The following EFNA4 variants were observed in gnomAD, a reference collection of about 807,000 sequenced individuals.
The protein encoded by EFNA4 is ephrin-A4.
A neutral mutation model predicts 23.7 loss-of-function variants in EFNA4; 22 were observed. The observed-to-expected ratio is 0.93, with a 90% CI of 0.66 to 1.32. The LOEUF (loss-of-function observed/expected upper bound fraction) is 1.32, where lower values mean the gene tolerates loss of function less well. EFNA4 is among the 40% of genes most tolerant of loss of function. The pLI, the probability that EFNA4 is intolerant of heterozygous loss-of-function variation, is 0.00. For missense variants in EFNA4, 252 were observed against 252.3 expected (o/e 1.00, Z 0.01); for synonymous variants, 113 against 108.3 (o/e 1.04, Z -0.27).
chr1:155,063,743 T>G lies in EFNA4; in HGVS notation c.-81T>G, dbSNP rs949761401. The stretch of plus-strand genomic sequence containing the variant: ...CCCACTCCCCTTTCCGCAACTTCCC[T>G]CTTCACTTTGTACCTTTCTCTCCTC... On this transcript the variant is annotated 5_prime_UTR_variant, in exon 1 of 4. Transcript: ENST00000368409. The surrounding 1 kb of genome is among the most constrained non-coding windows in gnomAD (Gnocchi z 4.1). 1.6e-5 allele frequency: 21 copies of G among 1,286,774 alleles called. No individual in the cohort carries two copies. The highest frequency in any genetic ancestry group is 2.0e-5 in the Non-Finnish European group (19 of 967,618). The allele number at this position is 1,286,774 out of a possible 1,614,324, so 79.7% of individuals were successfully genotyped here.
At chr1:155,067,137 TGAACTCAG>T (rs1403014018) in intron 2 of EFNA4, 121 bp downstream of exon 2, 10 of 1,282,418 alleles carry the variant, frequency 7.8e-6, no homozygotes, top group African/African-American at 1.5e-5. Flanking sequence ...AGGTATGGGC[TGAACTCAG>T]GACTGAGGAG....
intron 1 of EFNA4, 128 bp downstream of exon 1, chr1:155,064,064 G>C (rs1662909299): frequency 1.8e-5 from 8 of 443,668 alleles, no homozygotes; most frequent in Non-Finnish European, 2.2e-5. Context: ...CTTTGTTTGA[G>C]CCGGCGGGGG....
intron 3 of EFNA4, 93 bp downstream of exon 3, chr1:155,067,533 G>A: frequency 7.0e-7 from 1 of 1,429,798 alleles, no homozygotes. Context: ...TCAGACTCCA[G>A]GGGTCCTGGT....
In EFNA4 at chr1:155,064,044, G is replaced by A. The variant is rs552327718; in HGVS notation, c.113+108G>A. The A allele has an allele frequency of 5.4e-4, 452 of 843,786 alleles. 4 individuals carry two copies. The African/African-American group carries it at 7.1e-3, about 13-fold the overall frequency. 52.3% of individuals were successfully genotyped at this position (843,786 alleles called of 1,614,324 possible). On this transcript the variant is annotated intron_variant, in intron 1 of 3. Transcript: ENST00000368409. ...CGGCGCCGCCTGAGCCTGGCCGCGC[G>A]CCGGGGCTCCTTTGTTTGAGCCGGC...
At chr1:155,067,519 AGG>A in intron 3 of EFNA4, 79 bp downstream of exon 3, 1 of 1,513,282 alleles carries the variant, frequency 6.6e-7, no homozygotes, top group Non-Finnish European at 9.2e-7. Context: ...AGAATCTAGG[AGG>A]ATCAGACTCC....
intron 2 of EFNA4, 104 bp downstream of exon 2, chr1:155,067,120 C>G (rs148813565): frequency 1.4e-6 from 2 of 1,381,278 alleles, no homozygotes; most frequent in African/African-American, 2.9e-5. Flanking sequence ...TAATGTACAT[C>G]GGGTTGAGGT....
Position 155,068,909 on chromosome 1 carries a change from C to T in EFNA4, c.526C>T (p.Arg176Ter), listed in dbSNP as rs762021782. ...TGGAGAGAGTGGCACATCAGGGTGG[C>T]GAGGGGGGGACACTCCCAGCCCCCT... is the stretch of plus-strand genomic sequence containing the variant. ...SPGESGTSGW[R>*]GGDTPSPLCL... The change falls in exon 4 of 4, where the codon CGA becomes TGA. Residue 176 changes from arginine (R) to a stop codon, truncating the protein, a stop_gained. Transcript: ENST00000368409. LOFTEE classifies it high-confidence loss of function. The T allele has an allele frequency of 7.4e-6, 12 of 1,613,844 alleles. No individual in the cohort carries two copies. Among genetic ancestry groups the T allele is most frequent in the East Asian group, 6.7e-5 (3 of 44,872 alleles).
At position 155,066,957 on chromosome 1, in the gene EFNA4, G is replaced by A. The variant is rs775247787; in HGVS notation, c.341G>A (p.Arg114His). Residue 114 changes from arginine to histidine, a missense_variant, in exon 2 of 4, where the codon CGC (arginine) becomes CAC (histidine). Physicochemically the swap from Arg to His is conservative, Grantham distance 29. Coordinates refer to ENST00000368409, the MANE Select transcript of EFNA4 (RefSeq NM_005227.3). The stretch of plus-strand genomic sequence containing the variant: ...GTTCAATTCTCAGAGAAGATTCAGC[G>A]CTTCACACCCTTCTCCCTCGGCTTT... ...GHVQFSEKIQ[R>H]FTPFSLGFEF... 11 of 1,614,058 alleles carry A rather than the reference G, an allele frequency of 6.8e-6. No individual in the cohort carries two copies. The highest frequency in any genetic ancestry group is 1.3e-5 in the African/African-American group (1 of 75,050).
chr1:155,063,988 CT>C lies in EFNA4; in HGVS notation c.113+55del. On this transcript the variant is annotated intron_variant, in intron 1 of 3. Coordinates refer to ENST00000368409, the MANE Select transcript of EFNA4 (RefSeq NM_005227.3). This position sits in a 1 kb window ranked among gnomAD's most constrained non-coding sequence, Gnocchi z 4.1. ...ACAGCCAAGTCTGCGCGCTCCCGGG[CT>C]TTGCGCGCGCCCGCCACCCGCTCTT... 7.0e-7 allele frequency: 1 copy of C among 1,428,524 alleles called. No homozygotes were observed. Among genetic ancestry groups the C allele is most frequent in the Non-Finnish European group, 9.3e-7 (1 of 1,074,742 alleles). 88.5% of individuals were successfully genotyped at this position (1,428,524 alleles called of 1,614,324 possible). A position where few individuals can be genotyped will look rare whatever the true frequency, so the allele number is the denominator to read the frequency against.
intron 1 of EFNA4, among the ~76,000 whole-genome samples, chr1:155,064,793 C>T (rs974843746): frequency 5.9e-5 from 9 of 152,294 alleles, no homozygotes; most frequent in Middle Eastern, 6.8e-3. Context: ...TTATTAAACA[C>T]ATACTGTGTG....
Position 155,063,887 on chromosome 1 carries a change from G to T in EFNA4, c.64G>T (p.Gly22Trp). ...WAAFLGSPLRGGSSLRHVVYW... is the reference protein window; with the variant it reads ...WAAFLGSPLRWGSSLRHVVYW... ...CGCGTTCCTCGGCTCCCCTCTGCGC[G>T]GGGGCTCCAGCCTCCGCCACGTAGT... The change falls in exon 1 of 4, where the codon GGG (glycine) becomes TGG (tryptophan). Residue 22 changes from glycine (G) to tryptophan (W), a missense_variant. Gly to Trp is a radical substitution (Grantham distance 184). Transcript: ENST00000368409. This position sits in a 1 kb window ranked among gnomAD's most constrained non-coding sequence, Gnocchi z 4.1. 4 of 1,567,240 alleles carry T rather than the reference G, an allele frequency of 2.6e-6. No homozygotes were observed. Among genetic ancestry groups the T allele is most frequent in the Admixed American group, 1.8e-5 (1 of 54,298 alleles).
chr1:155,064,287 C>T (rs930126755), intron 1 of EFNA4, among the ~76,000 whole-genome samples: 2 of 152,214 alleles, frequency 1.3e-5, no homozygotes, highest in Non-Finnish European at 2.9e-5. Flanking sequence ...GGCTGACGAA[C>T]TTGAGAGCGA....
At chr1:155,065,739 TA>T (rs1663010480) in intron 1 of EFNA4, among the ~76,000 whole-genome samples, 2 of 106,122 alleles carry the variant, frequency 1.9e-5, no homozygotes, top group Non-Finnish European at 2.0e-5. Context: ...TTTATTTATT[TA>T]TTTATTTTTT....
intron 1 of EFNA4, among the ~76,000 whole-genome samples, chr1:155,064,152 C>G (rs1388338631): frequency 1.3e-5 from 2 of 152,198 alleles, no homozygotes; most frequent in Non-Finnish European, 2.9e-5. Context: ...GCAGAAGACC[C>G]CAGCCCCAAG....
chr1:155,066,808 A>G lies in EFNA4; in HGVS notation c.192A>G (p.Pro64=). Residue 64 remains proline, a synonymous_variant, in exon 2 of 4, where the codon CCA becomes CCG. Coordinates refer to ENST00000368409, the MANE Select transcript of EFNA4 (RefSeq NM_005227.3). ...LDIVCPHYEG[P]GPPEGPETFA... is the part of the protein sequence containing the mutation. The stretch of plus-strand genomic sequence containing the variant: ...TTGTCTGCCCCCACTACGAAGGCCC[A>G]GGGCCCCCTGAGGGCCCCGAGACGT... The G allele has an allele frequency of 1.2e-6, 2 of 1,613,758 alleles. No homozygotes were observed. Among genetic ancestry groups the G allele is most frequent in the Non-Finnish European group, 1.7e-6 (2 of 1,179,866 alleles).
chr1:155,065,502 G>A (rs1486540007), intron 1 of EFNA4, among the ~76,000 whole-genome samples: 1 of 151,232 alleles, frequency 6.6e-6, no homozygotes, highest in East Asian at 1.9e-4. Context: ...AAAAAGGGAG[G>A]CACCTAGCAC....
rs1323203934 is a variant in EFNA4 at position 155,067,356 on chromosome 1, C to G, written c.401-16C>G. The stretch of plus-strand genomic sequence containing the variant: ...GACTCCCTGTGCTAACTTTTTCCCA[C>G]TTTCCCACTACCCAGCGGTGCCCAC... On this transcript the variant is annotated splice_polypyrimidine_tract_variant and intron_variant, in intron 2 of 3. Coordinates refer to ENST00000368409, the MANE Select transcript of EFNA4 (RefSeq NM_005227.3). The G allele has an allele frequency of 6.2e-7, 1 of 1,614,140 alleles. No homozygotes were observed.
intron 2 of EFNA4, 93 bp downstream of exon 2, chr1:155,067,109 C>G: frequency 2.1e-6 from 3 of 1,440,132 alleles, no homozygotes; most frequent in Non-Finnish European, 2.8e-6. Context: ...GGCTGGGTCT[C>G]TAATGTACAT....
rs142999275 is a variant in EFNA4 at position 155,066,891 on chromosome 1, G to T, written c.275G>T (p.Arg92Leu). The T allele has an allele frequency of 6.2e-7, 1 of 1,614,106 alleles. No homozygotes were observed. The change falls in exon 2 of 4, where the codon CGG (arginine) becomes CTG (leucine). Residue 92 changes from arginine (R) to leucine (L), a missense_variant. Physicochemically the swap from Arg to Leu is moderately radical, Grantham distance 102. Transcript: ENST00000368409. The stretch of plus-strand genomic sequence containing the variant: ...GAGTCCTGCCAGGCAGAGGGCCCCC[G>T]GGCCTACAAGCGCTGGGTGTGCTCC... ...GYESCQAEGP[R>L]AYKRWVCSLP... is the part of the protein sequence containing the mutation.
Sources: allele counts gnomAD v4.1 joint callset (sites outside exome capture counted in the v4.1 genomes callset), GRCh38; gene constraint gnomAD v4.1.1; non-coding constraint Gnocchi (gnomAD v3.1); transcripts MANE v1.5; gene names NCBI Gene and HGNC (gene_info 2026-07-23, HGNC 2026-07-21).